Variants in IDI1 observed in about 807,000 individuals in gnomAD.
IDI1 encodes isopentenyl-diphosphate Delta-isomerase 1.
Under a neutral mutation model 32.9 loss-of-function variants are expected in IDI1, and 23 were observed. That is an observed-to-expected ratio of 0.70 (90% CI 0.50 to 0.99). The LOEUF is 0.99. Ranked by LOEUF, IDI1 falls within the 50% of genes least tolerant of loss-of-function variation. The pLI is 0.00. For synonymous variants in IDI1, 133 were observed against 128.2 expected, an observed-to-expected ratio of 1.04 and a Z score of -0.25; for missense variants, 326 against 351.9, an observed-to-expected ratio of 0.93 and a Z score of 0.59.
chr10:1,045,084 G>C (rs929478967), intron 1 of IDI1, among the ~76,000 whole-genome samples: 3 of 152,264 alleles, frequency 2.0e-5, no homozygotes, highest in Non-Finnish European at 1.5e-5. Flanking sequence ...CTCACAGGAC[G>C]TAACAACAGG....
upstream of IDI1, among the ~76,000 whole-genome samples, chr10:1,050,205 TAAAA>T (rs1289162114): frequency 2.0e-5 from 3 of 152,268 alleles, no homozygotes; most frequent in East Asian, 1.9e-4. Context: ...AATATTCACT[TAAAA>T]AACACACGAC....
At chr10:1,046,304 T>C (rs1832807781) in intron 1 of IDI1, among the ~76,000 whole-genome samples, 1 of 152,222 alleles carries the variant, frequency 6.6e-6, no homozygotes, top group South Asian at 2.1e-4. Context: ...TTGCTAATGA[T>C]GTTGTAGCCA....
chr10:1,049,507 G>A (rs1377338283), upstream of IDI1: 3 of 153,858 alleles, frequency 1.9e-5, no homozygotes, highest in African/African-American at 5.3e-5. Flanking sequence ...GGACTACAGC[G>A]TTTGGCTGCA....
At chr10:1,054,580 T>G in the IDI1 span, among the ~76,000 whole-genome samples, 1 of 152,240 alleles carries the variant, frequency 6.6e-6, no homozygotes, top group Non-Finnish European at 1.5e-5. Flanking sequence ...GACAGGATTC[T>G]CCACAGCTTC....
At chr10:1,052,160 C>T (rs371369116), upstream of IDI1, among the ~76,000 whole-genome samples, 11 of 152,288 alleles carry the variant, frequency 7.2e-5, no homozygotes, top group East Asian at 1.9e-4. Flanking sequence ...CATGAGCCAC[C>T]GCACCCGGCC....
intron 1 of IDI1, 30 bp downstream of exon 1, chr10:1,048,834 C>G: frequency 6.2e-7 from 1 of 1,600,378 alleles, no homozygotes; most frequent in Non-Finnish European, 8.5e-7. Flanking sequence ...CTGCCCCTGT[C>G]TCCCGAACTC....
chr10:1,043,792 C>T lies in IDI1; in HGVS notation c.313+207G>A, dbSNP rs750324157. ...GAATCCAGAATAACTCTGAAGAAGCCGAGTAACAGGCATGAAGTGAAGAGA... is the reference window on the plus strand; with the variant it reads ...GAATCCAGAATAACTCTGAAGAAGCTGAGTAACAGGCATGAAGTGAAGAGA... On this transcript the variant is annotated intron_variant, in intron 2 of 4. Coordinates refer to ENST00000381344, the MANE Select transcript of IDI1 (RefSeq NM_004508.4). 4 of 676,240 alleles carry T rather than the reference C, an allele frequency of 5.9e-6. No homozygotes were observed. In the Admixed American group the frequency reaches 6.2e-5, roughly 10 times the overall value. The allele number at this position is 676,240 out of a possible 1,614,324, so 41.9% of individuals were successfully genotyped here. A position where few individuals can be genotyped will look rare whatever the true frequency, so the allele number is the denominator to read the frequency against.
chr10:1,050,722 TG>T (rs1277133048), upstream of IDI1, among the ~76,000 whole-genome samples: 1 of 152,174 alleles, frequency 6.6e-6, no homozygotes, highest in Non-Finnish European at 1.5e-5. Context: ...ACACTCAGAC[TG>T]GGACAGTGAA....
chr10:1,048,672 G>C, intron 1 of IDI1, 192 bp downstream of exon 1: 1 of 1,408,242 alleles, frequency 7.1e-7, no homozygotes, highest in Non-Finnish European at 9.2e-7. Flanking sequence ...GGGCGCGGGC[G>C]CCCACCACAG....
intron 1 of IDI1, among the ~76,000 whole-genome samples, chr10:1,044,454 C>A (rs2131577848): frequency 6.6e-6 from 1 of 152,322 alleles, no homozygotes; most frequent in Middle Eastern, 3.4e-3. Flanking sequence ...GCACTTGATA[C>A]TCAATCCTTT....
At position 1,049,005 on chromosome 10, in the gene IDI1, G is replaced by T; in HGVS notation, c.-2C>A. ...CGCCAGCGCCAGTCCACGCCACATC[G>T]CCCGGCCAATTGGCGCCCGTACGCG... On this transcript the variant is annotated 5_prime_UTR_variant, in exon 1 of 5. Coordinates refer to ENST00000381344, the MANE Select transcript of IDI1 (RefSeq NM_004508.4). 2.0e-6 allele frequency: 3 copies of T among 1,487,768 alleles called. No homozygotes were observed. In the African/African-American group the frequency reaches 4.4e-5, roughly 22 times the overall value. The allele number at this position is 1,487,768 out of a possible 1,614,324, so 92.2% of individuals were successfully genotyped here.
intron 3 of IDI1, among the ~76,000 whole-genome samples, chr10:1,043,001 C>G (rs922992125): frequency 6.6e-6 from 1 of 152,126 alleles, no homozygotes; most frequent in African/African-American, 2.4e-5. Flanking sequence ...TGTTGTGAAA[C>G]AGACTACATT....
intron 1 of IDI1, chr10:1,048,154 C>G: frequency 1.9e-6 from 2 of 1,039,742 alleles, no homozygotes; most frequent in Non-Finnish European, 2.7e-6. Flanking sequence ...CACCACCGCC[C>G]AGCTGTAATG....
rs1420776216 is a variant in IDI1, at chr10:1,040,081, T to C, written c.*1106A>G. 6.6e-6 allele frequency: 1 copy of C among 152,226 alleles called. No individual in the cohort carries two copies. Among genetic ancestry groups the C allele is most frequent in the Non-Finnish European group, 1.5e-5 (1 of 68,022 alleles). The allele number at this position is 152,226 out of a possible 1,614,324, so 9.4% of individuals were successfully genotyped here. On this transcript the variant is annotated 3_prime_UTR_variant, in exon 5 of 5. Transcript: ENST00000381344. ...TTCATTATCATACAGCATTTAAGAATAATAAATCTGTCTTGAGGTTTCAAA... is the reference window on the plus strand; with the variant it reads ...TTCATTATCATACAGCATTTAAGAACAATAAATCTGTCTTGAGGTTTCAAA...
upstream of IDI1, chr10:1,049,148 A>T: frequency 1.5e-6 from 2 of 1,329,342 alleles, no homozygotes; most frequent in South Asian, 3.2e-5. Context: ...TGGCGCCTTT[A>T]AGGGGGTCAA....
Position 1,049,098 on chromosome 10 carries a change from C to G in IDI1, c.-95G>C. 7.1e-7 allele frequency: 1 copy of G among 1,406,262 alleles called. No homozygotes were observed. The highest frequency in any genetic ancestry group is 9.2e-7 in the Non-Finnish European group (1 of 1,087,552). 87.1% of individuals were successfully genotyped at this position (1,406,262 alleles called of 1,614,324 possible). A position where few individuals can be genotyped will look rare whatever the true frequency, so the allele number is the denominator to read the frequency against. On this transcript the variant is annotated 5_prime_UTR_variant, in exon 1 of 5. Transcript: ENST00000381344. ...CTCCCTGGCCTGTGACAACGGCAGA[C>G]GCGCGAAGCACCGGGAACCTGAGCC...
At chr10:1,054,861 T>A in the IDI1 span, among the ~76,000 whole-genome samples, 1 of 152,230 alleles carries the variant, frequency 6.6e-6, no homozygotes, top group Non-Finnish European at 1.5e-5. Context: ...TACTCCAATA[T>A]GACTGATGTC....
At chr10:1,046,518 G>C (rs1832814908) in intron 1 of IDI1, among the ~76,000 whole-genome samples, 1 of 138,872 alleles carries the variant, frequency 7.2e-6, no homozygotes, top group African/African-American at 2.7e-5. Flanking sequence ...ACACAGCCCA[G>C]CTGCTCCACT....
upstream of IDI1, among the ~76,000 whole-genome samples, chr10:1,051,895 C>T (rs1833023355): frequency 6.6e-6 from 1 of 152,032 alleles, no homozygotes; most frequent in African/African-American, 2.4e-5. Flanking sequence ...TTTTTTGAGA[C>T]AGAGTCTCGT....
Sources: allele counts gnomAD v4.1 joint callset (sites outside exome capture counted in the v4.1 genomes callset), GRCh38; gene constraint gnomAD v4.1.1; transcripts MANE v1.5; gene names NCBI Gene and HGNC (gene_info 2026-07-23, HGNC 2026-07-21).